Variants in FHAD1 observed in about 807,000 individuals in gnomAD.
FHAD1 encodes forkhead-associated domain-containing protein 1.
In FHAD1, 146 loss-of-function variants were observed where a neutral mutation model predicts 191.3. That is an observed-to-expected ratio of 0.76 (90% CI 0.67 to 0.88). The LOEUF (loss-of-function observed/expected upper bound fraction) is 0.88, where lower values mean the gene tolerates loss of function less well. Among genes scored for constraint, FHAD1 ranks in the 40% least tolerant of loss-of-function variants. The probability of loss-of-function intolerance (pLI) is 0.00; values close to 1 mark genes in which losing one functional copy is unlikely to be tolerated. For missense variants in FHAD1, 1,635 were observed against 1,785.8 expected (o/e 0.92, Z 1.52); for synonymous variants, 616 against 672.3 (o/e 0.92, Z 1.29).
At chr1:15,358,017 A>G (rs1168221202) in intron 20 of FHAD1, 93 bp from the exon 21 acceptor site, 1 of 860,466 alleles carries the variant, frequency 1.2e-6, no homozygotes, top group Admixed American at 3.4e-5. Context: ...TAGAGAATAG[A>G]CTTTACCCTG....
chr1:15,270,369 C>T (rs552698478), intron 2 of FHAD1, among the ~76,000 whole-genome samples: 1 of 152,118 alleles, frequency 6.6e-6, no homozygotes, highest in Non-Finnish European at 1.5e-5. Context: ...TTGAATCAGG[C>T]GAACCTGAGT....
chr1:15,349,079 C>G lies in FHAD1; in HGVS notation c.2384C>G (p.Ala795Gly). 3.2e-6 allele frequency: 5 copies of G among 1,551,350 alleles called. No individual in the cohort carries two copies. Among genetic ancestry groups the G allele is most frequent in the South Asian group, 1.2e-5 (1 of 84,044 alleles). The change falls in exon 19 of 34, where the codon GCA (alanine) becomes GGA (glycine). Residue 795 changes from alanine to glycine, a missense_variant. Ala to Gly is a moderately conservative substitution (Grantham distance 60, BLOSUM62 0). Transcript: ENST00000688493. ...ESSIAHEKRK[A>G]KEALESEKRK... is the part of the protein sequence containing the mutation. ...AGCATAGCCCATGAAAAAAGAAAAGCAAAGGAAGCCTTGGAGTCGGAAAAG... is the reference window on the plus strand; with the variant it reads ...AGCATAGCCCATGAAAAAAGAAAAGGAAAGGAAGCCTTGGAGTCGGAAAAG...
intron 1 of FHAD1, among the ~76,000 whole-genome samples, chr1:15,248,746 C>T (rs767361582): frequency 1.8e-4 from 28 of 152,174 alleles, no homozygotes; most frequent in Non-Finnish European, 2.9e-4. Context: ...CCACCATGCC[C>T]GGCTAATTTT....
Position 15,305,141 on chromosome 1 carries a change from A to G in FHAD1, c.916-3472A>G, listed in dbSNP as rs1015601778. 2.6e-5 allele frequency among the ~76,000 whole-genome samples: 4 copies of G among 152,248 alleles called. No homozygotes were observed. The East Asian group carries it at 7.7e-4, about 29-fold the overall frequency. ...CTTCCTGGAGACAGGCAAGAGAAGCAGAAGCTAAAACGCACCGTAGAATAA... is the reference window on the plus strand; with the variant it reads ...CTTCCTGGAGACAGGCAAGAGAAGCGGAAGCTAAAACGCACCGTAGAATAA... On this transcript the variant is annotated intron_variant, in intron 6 of 33. Coordinates refer to ENST00000688493, the MANE Select transcript of FHAD1 (RefSeq NM_001391957.1).
chr1:15,283,432 C>T (rs79280131), intron 3 of FHAD1, among the ~76,000 whole-genome samples: 4,186 of 152,024 alleles, frequency 0.028, 188 homozygotes, highest in African/African-American at 0.096. Flanking sequence ...AACACACAGA[C>T]GCAGTAGGAA....
At chr1:15,300,366 C>T (rs1668366298) in intron 5 of FHAD1, among the ~76,000 whole-genome samples, 1 of 152,134 alleles carries the variant, frequency 6.6e-6, no homozygotes, top group Non-Finnish European at 1.5e-5. Context: ...TTTTTCATGA[C>T]TCAGTTACCT....
intron 20 of FHAD1, chr1:15,357,770 TCATCTTGGAG>T (rs1186120815): frequency 5.3e-6 from 1 of 187,462 alleles, no homozygotes; most frequent in Admixed American, 6.3e-5. Flanking sequence ...CTCAGCACAT[TCATCTTGGAG>T]AACAGATTTA....
chr1:15,365,831 G>T lies in FHAD1; in HGVS notation c.3052G>T (p.Asp1018Tyr). 2 of 1,549,236 alleles carry T rather than the reference G, an allele frequency of 1.3e-6. No individual in the cohort carries two copies. The highest frequency in any genetic ancestry group is 2.4e-5 in the South Asian group (2 of 83,968). ...ACCTGTTTTTGTGAATTTCAGAGAT[G>T]ACTTATTGGCTGCTCAGAAGGAAAT... ...KDMAYEHLIDDLLAAQKEILS... is the reference protein window; with the variant it reads ...KDMAYEHLIDYLLAAQKEILS... The change falls in exon 24 of 34, where the codon GAC becomes TAC. Residue 1018 changes from aspartate to tyrosine, a missense_variant. Asp to Tyr is a radical substitution (Grantham distance 160, BLOSUM62 -3). Transcript: ENST00000688493.
rs1198726328 is a variant in FHAD1 at position 15,247,305 on chromosome 1, C to A, written c.-105C>A. On this transcript the variant is annotated 5_prime_UTR_variant, in exon 1 of 34. Transcript: ENST00000688493. The stretch of plus-strand genomic sequence containing the variant: ...GCTGGAGACTCCGCGGGAGCGCGGC[C>A]GGGAGGCTTCGCCCCGGAGCTGGCC... 4.8e-6 allele frequency: 1 copy of A among 207,326 alleles called. No individual in the cohort carries two copies. The highest frequency in any genetic ancestry group is 1.0e-5 in the Non-Finnish European group (1 of 95,638). The allele number at this position is 207,326 out of a possible 1,614,324, so 12.8% of individuals were successfully genotyped here. A position where few individuals can be genotyped will look rare whatever the true frequency, so the allele number is the denominator to read the frequency against.
intron 18 of FHAD1, among the ~76,000 whole-genome samples, chr1:15,347,992 C>T (rs774688438): frequency 6.6e-6 from 1 of 152,132 alleles, no homozygotes. Flanking sequence ...CGAGTGTAGA[C>T]GCAGAGTCAG....
intron 31 of FHAD1, chr1:15,384,318 C>G (rs192928395): frequency 6.5e-6 from 1 of 152,706 alleles, no homozygotes; most frequent in African/African-American, 2.4e-5. Context: ...GGGGCTGCCT[C>G]GGGCAGAGGA....
intron 31 of FHAD1, 142 bp downstream of exon 31, chr1:15,382,335 A>G (rs1701110816): frequency 3.7e-6 from 3 of 820,036 alleles, no homozygotes; most frequent in African/African-American, 3.5e-5. Flanking sequence ...TAGCTTTTGC[A>G]TCAGACAGAC....
chr1:15,373,427 G>A (rs1422080495), intron 26 of FHAD1, among the ~76,000 whole-genome samples: 5 of 150,542 alleles, frequency 3.3e-5, no homozygotes, highest in African/African-American at 1.0e-4. Flanking sequence ...CAGGAGAATC[G>A]CTTGAACCCG....
At position 15,317,942 on chromosome 1, in the gene FHAD1, A is replaced by C; in HGVS notation, c.1365+14A>C. 6.6e-7 allele frequency: 1 copy of C among 1,519,986 alleles called. No individual in the cohort carries two copies. 94.2% of individuals were successfully genotyped at this position (1,519,986 alleles called of 1,614,324 possible). A position where few individuals can be genotyped will look rare whatever the true frequency, so the allele number is the denominator to read the frequency against. ...GAAAAAAGCAAGGTACGTAGTGGAC[A>C]ACAGGCCCAGAGAGTGGTGTGGGCG... On this transcript the variant is annotated intron_variant, in intron 10 of 33. Transcript: ENST00000688493.
In FHAD1 at chr1:15,328,720, G is replaced by GT. The variant is rs1444252487; in HGVS notation, c.1710+293dup. The GT allele has an allele frequency of 3.0e-5, 8 of 263,868 alleles. No homozygotes were observed. In the East Asian group the frequency reaches 5.6e-4, roughly 18 times the overall value. 16.3% of individuals were successfully genotyped at this position (263,868 alleles called of 1,614,324 possible). On this transcript the variant is annotated intron_variant, in intron 13 of 33. Transcript: ENST00000688493. The stretch of plus-strand genomic sequence containing the variant: ...AAGAAATTGTTTTCATAGCCCCTAT[G>GT]TTATTTCCAGAGAAACCAAAGAAAC...
At chr1:15,366,159 A>C (rs1055604074) in intron 24 of FHAD1, among the ~76,000 whole-genome samples, 14 of 151,948 alleles carry the variant, frequency 9.2e-5, no homozygotes, top group African/African-American at 3.4e-4. Flanking sequence ...GGTGGTGGGC[A>C]CCTGTAATCC....
intron 14 of FHAD1, chr1:15,334,296 C>G (rs193237976): frequency 6.0e-4 from 90 of 148,778 alleles, no homozygotes; most frequent in African/African-American, 2.1e-3. Context: ...CACATACACA[C>G]TTCCTCTGAC....
chr1:15,379,127 G>A (rs926047524), intron 28 of FHAD1, among the ~76,000 whole-genome samples: 4 of 151,912 alleles, frequency 2.6e-5, no homozygotes, highest in African/African-American at 4.8e-5. Flanking sequence ...AAATAAGGGG[G>A]CCCGGGGAAC....
In FHAD1 at chr1:15,369,368, A is replaced by G. The variant is rs755141535; in HGVS notation, c.3315-2A>G. On this transcript the variant is annotated splice_acceptor_variant, in intron 25 of 33. Transcript: ENST00000688493. LOFTEE classifies it high-confidence loss of function. The stretch of plus-strand genomic sequence containing the variant: ...GTGCCATCCTCCTCTTCTCTACCCT[A>G]GGGCTTCCCAAGAGAAACACAGACT... The G allele has an allele frequency of 3.2e-6, 5 of 1,551,988 alleles. No individual in the cohort carries two copies. The South Asian group carries it at 5.9e-5, about 18-fold the overall frequency.
Sources: allele counts gnomAD v4.1 joint callset (sites outside exome capture counted in the v4.1 genomes callset), GRCh38; gene constraint gnomAD v4.1.1; transcripts MANE v1.5; gene names NCBI Gene and HGNC (gene_info 2026-07-23, HGNC 2026-07-21).